The following DPP10 variants were observed in gnomAD, a reference collection of about 807,000 sequenced individuals.
The protein encoded by DPP10 is dipeptidyl peptidase like 10.
In DPP10, 33 loss-of-function variants were observed where a neutral mutation model predicts 120.9. The ratio of observed to expected loss-of-function variants is 0.27; its 90% CI spans 0.21 to 0.37. The LOEUF (loss-of-function observed/expected upper bound fraction) is 0.37, where lower values mean the gene tolerates loss of function less well. DPP10 is among the 10% of genes least tolerant of loss of function. The pLI, the probability that DPP10 is intolerant of heterozygous loss-of-function variation, is 1.00. For synonymous variants in DPP10, 337 were observed against 326.1 expected, an observed-to-expected ratio of 1.03 and a Z score of -0.36; for missense variants, 816 against 942.8, an observed-to-expected ratio of 0.87 and a Z score of 1.76.
intron 5 of DPP10, among the ~76,000 whole-genome samples, chr2:115,574,494 G>T (rs934190535): frequency 6.6e-6 from 1 of 152,040 alleles, no homozygotes; most frequent in Non-Finnish European, 1.5e-5. Context: ...AAATTCTTGT[G>T]CACCTCCCTC....
At chr2:114,799,953 C>A (rs1185404703) in intron 1 of DPP10, among the ~76,000 whole-genome samples, 1 of 152,148 alleles carries the variant, frequency 6.6e-6, no homozygotes. Flanking sequence ...TTTGAGAAGG[C>A]AAAGCAAAAC....
intron 8 of DPP10, among the ~76,000 whole-genome samples, chr2:115,735,737 T>C (rs1473675587): frequency 6.9e-6 from 1 of 144,978 alleles, no homozygotes; most frequent in Non-Finnish European, 1.5e-5. Flanking sequence ...TTCGCTATGT[T>C]GGCCAGGCTG....
intron 1 of DPP10, among the ~76,000 whole-genome samples, chr2:114,862,035 A>G (rs968151159): frequency 1.3e-5 from 2 of 152,212 alleles, no homozygotes; most frequent in African/African-American, 4.8e-5. Context: ...TAATATTTTC[A>G]TCATCAGCCC....
intron 10 of DPP10, among the ~76,000 whole-genome samples, chr2:115,747,605 T>TTTC (rs1678149118): frequency 1.3e-5 from 2 of 151,418 alleles, no homozygotes; most frequent in Admixed American, 1.3e-4. Flanking sequence ...TTTTTTTTTT[T>TTTC]TTTCTTGAGA....
intron 4 of DPP10, among the ~76,000 whole-genome samples, chr2:115,517,080 C>T (rs578118928): frequency 6.6e-6 from 1 of 152,194 alleles, no homozygotes; most frequent in Non-Finnish European, 1.5e-5. Context: ...GTATAACTTT[C>T]ACATGCCCTG....
In DPP10 at chr2:115,534,518, C is replaced by A. The variant is rs1435783882; in HGVS notation, c.441+8546C>A. Among the ~76,000 whole-genome samples, 6 of 151,946 alleles carry A rather than the reference C, an allele frequency of 3.9e-5. No homozygotes were observed. In the East Asian group the frequency reaches 1.2e-3, roughly 29 times the overall value. ...CTTAATCCAGTCTATCATTGTTGGA[C>A]ATTTGGGTTGGTTCCAAGTCTTTGC... On this transcript the variant is annotated intron_variant, in intron 5 of 25. Coordinates refer to ENST00000410059, the MANE Select transcript of DPP10 (RefSeq NM_020868.6).
chr2:114,638,006 T>C lies in DPP10; in HGVS notation c.60+195168T>C, dbSNP rs963291879. ...TCCATATAAATTTTAGAATAGTTTT[T>C]CTTATTCTGAGAAAAATCATATTGG... On this transcript the variant is annotated intron_variant, in intron 1 of 25. Coordinates refer to ENST00000410059, the MANE Select transcript of DPP10 (RefSeq NM_020868.6). 2.0e-5 allele frequency among the ~76,000 whole-genome samples: 3 copies of C among 151,968 alleles called. 1 individual carries two copies. The highest frequency in any genetic ancestry group is 7.3e-5 in the African/African-American group (3 of 41,208).
At chr2:114,937,923 T>A (rs2104544699) in intron 1 of DPP10, among the ~76,000 whole-genome samples, 1 of 152,354 alleles carries the variant, frequency 6.6e-6, no homozygotes, top group South Asian at 2.1e-4. Flanking sequence ...GGGAGTTTAG[T>A]ACAAAGTCTC....
intron 1 of DPP10, among the ~76,000 whole-genome samples, chr2:114,683,070 C>T (rs1262549919): frequency 6.6e-6 from 1 of 151,836 alleles, no homozygotes; most frequent in African/African-American, 2.4e-5. Flanking sequence ...TCTTATGGAC[C>T]AGACACTGGT....
intron 1 of DPP10, among the ~76,000 whole-genome samples, chr2:114,663,668 T>TATATAG: frequency 1.1e-3 from 92 of 80,702 alleles, no homozygotes; most frequent in African/African-American, 1.3e-3. Context: ...TATATATATA[T>TATATAG]AGAGAGAGAG....
chr2:114,913,032 A>T (rs1210933141), intron 1 of DPP10, among the ~76,000 whole-genome samples: 1 of 152,190 alleles, frequency 6.6e-6, no homozygotes, highest in African/African-American at 2.4e-5. Flanking sequence ...GGCCAATATG[A>T]TATGAGTACC....
chr2:115,439,506 A>G (rs1303262661), intron 3 of DPP10, among the ~76,000 whole-genome samples: 32 of 152,220 alleles, frequency 2.1e-4, no homozygotes, highest in Admixed American at 2.1e-3. Context: ...CAAAAATAGA[A>G]TATTTTAATC....
chr2:115,260,465 G>A (rs537834895), intron 1 of DPP10, among the ~76,000 whole-genome samples: 23 of 152,242 alleles, frequency 1.5e-4, no homozygotes, highest in East Asian at 9.7e-4. Flanking sequence ...AAGGCTTGGC[G>A]CAAGATAAAT....
At chr2:115,353,680 C>T (rs886851739) in intron 3 of DPP10, among the ~76,000 whole-genome samples, 36 of 152,170 alleles carry the variant, frequency 2.4e-4, no homozygotes, top group African/African-American at 8.2e-4. Flanking sequence ...TATTTATTTG[C>T]ATTTTTTTGA....
chr2:114,547,103 C>G (rs951008353), intron 1 of DPP10, among the ~76,000 whole-genome samples: 1 of 152,242 alleles, frequency 6.6e-6, no homozygotes, highest in Non-Finnish European at 1.5e-5. Context: ...GCACAAGGCC[C>G]CATCAAAACA....
intron 1 of DPP10, among the ~76,000 whole-genome samples, chr2:114,635,573 A>G (rs1359832512): frequency 2.0e-5 from 3 of 151,886 alleles, no homozygotes; most frequent in East Asian, 1.9e-4. Context: ...TTTTTCTGAC[A>G]TTAGTAAATG....
At chr2:115,341,020 T>G (rs2106243022) in intron 2 of DPP10, among the ~76,000 whole-genome samples, 1 of 152,206 alleles carries the variant, frequency 6.6e-6, no homozygotes, top group African/African-American at 2.4e-5. Flanking sequence ...TATATCAAAC[T>G]TTTGTTTTAT....
At chr2:114,859,914 G>A (rs974375335) in intron 1 of DPP10, among the ~76,000 whole-genome samples, 2 of 152,156 alleles carry the variant, frequency 1.3e-5, no homozygotes, top group Non-Finnish European at 1.5e-5. Context: ...ATCATCTGGG[G>A]ATCCTATTAA....
chr2:115,566,437 A>G (rs1363145813), intron 5 of DPP10, among the ~76,000 whole-genome samples: 1 of 151,462 alleles, frequency 6.6e-6, no homozygotes, highest in Non-Finnish European at 1.5e-5. Flanking sequence ...TCATGTGTTT[A>G]TTTATTTATT....
Sources: allele counts gnomAD v4.1 joint callset (sites outside exome capture counted in the v4.1 genomes callset), GRCh38; gene constraint gnomAD v4.1.1; transcripts MANE v1.5; gene names NCBI Gene and HGNC (gene_info 2026-07-23, HGNC 2026-07-21).